The following ZZEF1 variants were observed in gnomAD, a reference collection of about 807,000 sequenced individuals.
ZZEF1 encodes zinc finger ZZ-type and EF-hand domain-containing protein 1.
ZZEF1 carries 157 observed loss-of-function variants against 342.8 expected under a neutral mutation model. That is an observed-to-expected ratio of 0.46 (90% CI 0.40 to 0.52). The LOEUF (loss-of-function observed/expected upper bound fraction) is 0.52, where lower values mean the gene tolerates loss of function less well. Among genes scored for constraint, ZZEF1 ranks in the 20% least tolerant of loss-of-function variants. The pLI is 0.00. For synonymous variants in ZZEF1, 1,505 were observed against 1,429.1 expected (o/e 1.05, Z -1.20); for missense variants, 3,480 against 3,725.6 (o/e 0.93, Z 1.72).
In ZZEF1 at chr17:4,025,027, A is replaced by T; in HGVS notation, c.6984T>A (p.Phe2328Leu). 1 of 1,614,208 alleles carries T rather than the reference A, an allele frequency of 6.2e-7. No individual in the cohort carries two copies. Among genetic ancestry groups the T allele is most frequent in the Non-Finnish European group, 8.5e-7 (1 of 1,180,042 alleles). The change falls in exon 43 of 55, where the codon TTT becomes TTA. Residue 2328 changes from phenylalanine (F) to leucine (L), a missense_variant. Physicochemically the swap from Phe to Leu is conservative, Grantham distance 22. Around this residue, in one of 5 missense-constraint regions of ZZEF1, gnomAD observed 1,269 missense variants for 1,342.4 expected, o/e 0.95. Coordinates refer to ENST00000381638, the MANE Select transcript of ZZEF1 (RefSeq NM_015113.4). ...QLSQYSQHFA[F>L]IASHLLQSSM... ...TGCTTTGCAGAAGGTGACTGGCGATAAAGGCAAAGTGCTGGGAGTACTGGC... is the reference window on the plus strand; with the variant it reads ...TGCTTTGCAGAAGGTGACTGGCGATTAAGGCAAAGTGCTGGGAGTACTGGC...
intron 42 of ZZEF1, among the ~76,000 whole-genome samples, chr17:4,026,051 G>A (rs950340184): frequency 3.3e-5 from 5 of 152,190 alleles, no homozygotes. Flanking sequence ...AGAGAGAGAG[G>A]GGTGGGTTGG....
At chr17:4,039,848 G>A (rs1235899840) in intron 39 of ZZEF1, among the ~76,000 whole-genome samples, 2 of 151,948 alleles carry the variant, frequency 1.3e-5, no homozygotes, top group South Asian at 2.1e-4. Context: ...GTTTCACTGT[G>A]TTAGCCAGGA....
chr17:4,092,574 G>A (rs946816653), intron 11 of ZZEF1, among the ~76,000 whole-genome samples: 2 of 151,992 alleles, frequency 1.3e-5, no homozygotes, highest in African/African-American at 4.8e-5. Context: ...TCCAAAGTGC[G>A]CTAGGATTAC....
chr17:4,041,933 T>C (rs1208819944), intron 39 of ZZEF1, among the ~76,000 whole-genome samples: 2 of 152,132 alleles, frequency 1.3e-5, no homozygotes, highest in African/African-American at 4.8e-5. Context: ...GGAATATCTG[T>C]ATTTAGGCTA....
intron 1 of ZZEF1, among the ~76,000 whole-genome samples, chr17:4,124,513 G>C (rs909178958): frequency 6.6e-6 from 1 of 152,090 alleles, no homozygotes; most frequent in Non-Finnish European, 1.5e-5. Context: ...TGCGACCTCA[G>C]GTCAGTGCAA....
intron 26 of ZZEF1, among the ~76,000 whole-genome samples, chr17:4,068,724 C>A (rs1057015754): frequency 2.6e-5 from 4 of 152,152 alleles, no homozygotes; most frequent in African/African-American, 9.7e-5. Flanking sequence ...ATTCCTGAAG[C>A]CCTGGAATAC....
intron 36 of ZZEF1, 78 bp downstream of exon 36, chr17:4,050,703 T>C: frequency 6.3e-7 from 1 of 1,594,524 alleles, no homozygotes; most frequent in South Asian, 1.1e-5. Context: ...AAACTAAGCT[T>C]AGTATTTTAC....
intron 11 of ZZEF1, among the ~76,000 whole-genome samples, chr17:4,094,566 C>G (rs1050931752): frequency 6.6e-6 from 1 of 152,144 alleles, no homozygotes; most frequent in African/African-American, 2.4e-5. Context: ...CATTGGCTAC[C>G]GAACACCTCA....
chr17:4,032,476 T>C (rs1388872761), intron 41 of ZZEF1, among the ~76,000 whole-genome samples: 1 of 152,238 alleles, frequency 6.6e-6, no homozygotes, highest in African/African-American at 2.4e-5. Flanking sequence ...CAGCCCCCTT[T>C]GTCCTAATCA....
intron 30 of ZZEF1, among the ~76,000 whole-genome samples, chr17:4,061,815 G>T (rs1432474166): frequency 6.6e-6 from 1 of 152,008 alleles, no homozygotes; most frequent in East Asian, 1.9e-4. Context: ...CCCATCTCCA[G>T]TATTATTCTC....
In ZZEF1 at chr17:4,016,261, AG is replaced by A; in HGVS notation, c.8145+61del. On this transcript the variant is annotated intron_variant, in intron 49 of 54. Coordinates refer to ENST00000381638, the MANE Select transcript of ZZEF1 (RefSeq NM_015113.4). This position sits in a 1 kb window ranked among gnomAD's most constrained non-coding sequence, Gnocchi z 4.4. The stretch of plus-strand genomic sequence containing the variant: ...CTGAGCATGGAGGGGCTGAGCACGG[AG>A]GGGCTGACGAGGTCTCTGCGGCTCA... The A allele has an allele frequency of 6.4e-7, 1 of 1,557,150 alleles. No homozygotes were observed.
At chr17:4,105,558 T>C in intron 7 of ZZEF1, 135 bp downstream of exon 7, 2 of 698,002 alleles carry the variant, frequency 2.9e-6, no homozygotes, top group Admixed American at 2.5e-5. Context: ...ATTATGTCAC[T>C]TTCTCTTTAG....
chr17:4,052,654 T>C (rs1382096220), intron 34 of ZZEF1, among the ~76,000 whole-genome samples: 1 of 151,924 alleles, frequency 6.6e-6, no homozygotes, highest in African/African-American at 2.4e-5. Context: ...ATCGCTTGAG[T>C]CTAAGAGTTC....
chr17:4,085,708 T>G lies in ZZEF1; in HGVS notation c.2608A>C (p.Asn870His). ...LLNGAAIFFP[N>H]RQTRRNHLFT... ...AGATGGTTCCGTCGGGTCTGTCGAT[T>G]AGGAAAGAAGATGGCAGCCCCATTG... Residue 870 changes from asparagine (N) to histidine (H), a missense_variant, in exon 16 of 55, where the codon AAT becomes CAT. Asn to His is a moderately conservative substitution (Grantham distance 68, BLOSUM62 1). This residue lies in a region of ZZEF1 where 1,528 missense variants were observed against 1,624.1 expected (regional missense o/e 0.94). Transcript: ENST00000381638. The G allele has an allele frequency of 6.2e-7, 1 of 1,614,180 alleles. No individual in the cohort carries two copies.
At position 4,022,832 on chromosome 17, in the gene ZZEF1, C is replaced by T. The variant is rs2056304410; in HGVS notation, c.7093-4G>A. 1.2e-6 allele frequency: 2 copies of T among 1,613,360 alleles called. No individual in the cohort carries two copies. The highest frequency in any genetic ancestry group is 2.2e-5 in the East Asian group (1 of 44,844). On this transcript the variant is annotated splice_polypyrimidine_tract_variant and splice_region_variant and intron_variant, in intron 43 of 54. Transcript: ENST00000381638. ...GGATCTCCTCAAAACCGTGAGCCTG[C>T]CAAGCAGAAGAAGAATGATGTGTGA...
At chr17:4,091,114 G>A (rs976352056) in intron 11 of ZZEF1, among the ~76,000 whole-genome samples, 2 of 152,154 alleles carry the variant, frequency 1.3e-5, no homozygotes, top group African/African-American at 2.4e-5. Context: ...ACAGAAAGTC[G>A]GGCATTGTGG....
At chr17:4,113,092 T>A (rs2058340760) in intron 4 of ZZEF1, among the ~76,000 whole-genome samples, 1 of 152,192 alleles carries the variant, frequency 6.6e-6, no homozygotes, top group Non-Finnish European at 1.5e-5. Flanking sequence ...TCCCTTTACC[T>A]GGCAAAAAAG....
chr17:4,095,710 G>A (rs894941897), intron 11 of ZZEF1, 121 bp downstream of exon 11: 2 of 1,038,628 alleles, frequency 1.9e-6, no homozygotes, highest in African/African-American at 3.2e-5. Flanking sequence ...ATGGATTAGT[G>A]GCGCCTTTTC....
intron 11 of ZZEF1, 147 bp downstream of exon 11, chr17:4,095,684 G>A (rs2058021396): frequency 2.6e-6 from 2 of 766,748 alleles, no homozygotes; most frequent in Admixed American, 3.0e-5. Context: ...AGCAATGAAG[G>A]CTTATGGCCA....
Sources: gnomAD v4.1 joint callset for allele counts (sites outside exome capture counted in the v4.1 genomes callset) on GRCh38, gnomAD v4.1.1 for gene constraint, gnomAD v4.1.1 regional missense constraint, Gnocchi (gnomAD v3.1) non-coding constraint, MANE v1.5 for transcripts, NCBI Gene and HGNC (gene_info 2026-07-23, HGNC 2026-07-21) for gene names.